The following SPTB variants were observed in gnomAD, a reference collection of about 807,000 sequenced individuals.
SPTB encodes the protein spectrin beta, erythrocytic.
Under a neutral mutation model 256.2 loss-of-function variants are expected in SPTB, and 45 were observed. The observed-to-expected ratio is 0.18, with a 90% confidence interval of 0.14 to 0.23. SPTB has a LOEUF of 0.23. Ranked by LOEUF, SPTB falls within the 10% of genes least tolerant of loss-of-function variation. The probability of loss-of-function intolerance (pLI) is 1.00; values close to 1 mark genes in which losing one functional copy is unlikely to be tolerated. For synonymous variants in SPTB, 1,231 were observed against 1,243.1 expected, an observed-to-expected ratio of 0.99 and a Z score of 0.21; for missense variants, 2,715 against 3,040.4, an observed-to-expected ratio of 0.89 and a Z score of 2.52.
At position 64,823,242 on chromosome 14, in the gene SPTB, T is replaced by A; in HGVS notation, c.-51-97A>T. 1 of 927,264 alleles carries A rather than the reference T, an allele frequency of 1.1e-6. No homozygotes were observed. Among genetic ancestry groups the A allele is most frequent in the African/African-American group, 1.6e-5 (1 of 61,414 alleles). The allele number at this position is 927,264 out of a possible 1,614,324, so 57.4% of individuals were successfully genotyped here. On this transcript the variant is annotated intron_variant, in intron 1 of 35. Transcript: ENST00000644917. The surrounding 1 kb of genome is among the most constrained non-coding windows in gnomAD (Gnocchi z 6.5). ...CGGAGCATCCAACGTGAGTAGATCC[T>A]GACAGAAGCAGAACGCCATGTCATC...
rs570278207 is a variant in SPTB at position 64,805,735 on chromosome 14, T to C, written c.149-645A>G. ...ACAAACATTGATTCTGTTCCTATTA[T>C]GTGGCAGCGCTGTGCTAGGCCTGAG... is the stretch of plus-strand genomic sequence containing the variant. On this transcript the variant is annotated intron_variant, in intron 2 of 35. Transcript: ENST00000644917. Among the ~76,000 whole-genome samples, 6 of 152,326 alleles carry C rather than the reference T, an allele frequency of 3.9e-5. No individual in the cohort carries two copies. The East Asian group carries it at 7.7e-4, about 20-fold the overall frequency.
intron 1 of SPTB, among the ~76,000 whole-genome samples, chr14:64,854,721 G>A (rs914654779): frequency 7.2e-5 from 11 of 151,824 alleles, no homozygotes; most frequent in African/African-American, 2.7e-4. Flanking sequence ...ACATGGGTGA[G>A]GGGAAGGCTC....
At position 64,748,400 on chromosome 14, in the gene SPTB, G is replaced by C. The variant is rs1010488043; in HGVS notation, c.*906C>G. 6.6e-6 allele frequency: 1 copy of C among 152,392 alleles called. No homozygotes were observed. Among genetic ancestry groups the C allele is most frequent in the African/African-American group, 2.4e-5 (1 of 41,446 alleles). The allele number at this position is 152,392 out of a possible 1,614,324, so 9.4% of individuals were successfully genotyped here. ...TGGTTTGGCTGCCACTGGGAGTGGG[G>C]CGAGGGTCCCAGCATTGAGAGGGAG... is the stretch of plus-strand genomic sequence containing the variant. On this transcript the variant is annotated 3_prime_UTR_variant, in exon 36 of 36. Coordinates refer to ENST00000644917, the MANE Select transcript of SPTB (RefSeq NM_001355436.2).
Position 64,765,735 on chromosome 14 carries a change from T to C in SPTB, c.6345+991A>G, listed in dbSNP as rs78519740. Reference sequence around the variant, plus strand: ...AGGGGGAAAGAATCGCCTACAAGGATGGGCACCCCCACTTCACCACTGAAG... The same window carrying C: ...AGGGGGAAAGAATCGCCTACAAGGACGGGCACCCCCACTTCACCACTGAAG... On this transcript the variant is annotated intron_variant, in intron 32 of 35. Transcript: ENST00000644917. Among the ~76,000 whole-genome samples, 556 of 151,876 alleles carry C rather than the reference T, an allele frequency of 3.7e-3. 2 individuals carry two copies. The highest frequency in any genetic ancestry group is 6.3e-3 in the Non-Finnish European group (431 of 67,966).
chr14:64,828,556 G>A (rs2083407123), intron 1 of SPTB, among the ~76,000 whole-genome samples: 1 of 152,270 alleles, frequency 6.6e-6, no homozygotes, highest in East Asian at 1.9e-4. Context: ...ACTTTTAATG[G>A]TAAAAACCAC....
Position 64,747,917 on chromosome 14 carries a change from T to G in SPTB, c.*1389A>C. 6.6e-6 allele frequency: 1 copy of G among 151,388 alleles called. No homozygotes were observed. Among genetic ancestry groups the G allele is most frequent in the East Asian group, 2.0e-4 (1 of 5,116 alleles). 9.4% of individuals were successfully genotyped at this position (151,388 alleles called of 1,614,324 possible). ...GTGGTGGGGAAAATATGGAATGAGC[T>G]TTCTCTTCCTCCAGAAGTATGACCT... On this transcript the variant is annotated 3_prime_UTR_variant, in exon 36 of 36. Transcript: ENST00000644917.
intron 1 of SPTB, among the ~76,000 whole-genome samples, chr14:64,830,373 ATTATTATTT>A (rs1329781552): frequency 4.5e-5 from 3 of 65,982 alleles, no homozygotes; most frequent in African/African-American, 2.4e-4. Context: ...TATTATTATT[ATTATTATTT>A]TATTTTATTT....
chr14:64,833,045 G>C (rs2083471082), intron 1 of SPTB, among the ~76,000 whole-genome samples: 1 of 152,142 alleles, frequency 6.6e-6, no homozygotes. Context: ...AGCCCTTTGT[G>C]ATCTAGTCCC....
intron 32 of SPTB, chr14:64,756,716 G>A (rs1266466760): frequency 1.3e-5 from 2 of 152,232 alleles, no homozygotes; most frequent in Admixed American, 1.3e-4. Flanking sequence ...AAAGCTAATA[G>A]GTATAGGAGG....
intron 7 of SPTB, 33 bp downstream of exon 7, chr14:64,801,252 C>CA: frequency 6.4e-7 from 1 of 1,570,794 alleles, no homozygotes; most frequent in Non-Finnish European, 8.8e-7. Flanking sequence ...CCCACTGCTG[C>CA]AGCAAAGGCT....
chr14:64,820,459 T>A (rs886121623), intron 2 of SPTB, among the ~76,000 whole-genome samples: 1 of 152,224 alleles, frequency 6.6e-6, no homozygotes. Context: ...GGTTGTTTGT[T>A]CTTGAAAATC....
intron 1 of SPTB, among the ~76,000 whole-genome samples, chr14:64,837,757 C>T (rs767031657): frequency 1.5e-4 from 23 of 152,138 alleles, no homozygotes; most frequent in Non-Finnish European, 3.1e-4. Context: ...TCTGTCACCA[C>T]GCCCGGCTAA....
rs229634 is a variant in SPTB at position 64,784,221 on chromosome 14, A to G, written c.4002+26T>C. On this transcript the variant is annotated intron_variant, in intron 19 of 35. Coordinates refer to ENST00000644917, the MANE Select transcript of SPTB (RefSeq NM_001355436.2). ...GCAAGCCTATCTGAGCAGAGCACCC[A>G]CCCGCCGCCCAATCACTTTACTTAC... The G allele has an allele frequency of 0.44, 707,699 of 1,613,054 alleles. 165,508 individuals carry two copies. The highest frequency in any genetic ancestry group is 0.8 in the East Asian group (35,914 of 44,842).
Position 64,845,313 on chromosome 14 carries a change from C to T in SPTB, c.-51-22168G>A, listed in dbSNP as rs942091246. Among the ~76,000 whole-genome samples, 57 of 152,282 alleles carry T rather than the reference C, an allele frequency of 3.7e-4. No homozygotes were observed. The highest frequency in any genetic ancestry group is 3.4e-3 in the Middle Eastern group (1 of 294). On this transcript the variant is annotated intron_variant, in intron 1 of 35. Transcript: ENST00000644917. This position sits in a 1 kb window ranked among gnomAD's most constrained non-coding sequence, Gnocchi z 4.8. Reference sequence around the variant, plus strand: ...AAAAGATTGGTAGTTCTGTGTGTGCCCATTGGTACAAACATTATAAACACA... The same window carrying T: ...AAAAGATTGGTAGTTCTGTGTGTGCTCATTGGTACAAACATTATAAACACA...
rs1042181595 is a variant in SPTB, at chr14:64,774,345, C to A, written c.4973+52G>T. The A allele has an allele frequency of 3.2e-6, 5 of 1,552,608 alleles. No individual in the cohort carries two copies. In the African/African-American group the frequency reaches 5.4e-5, roughly 17 times the overall value. On this transcript the variant is annotated intron_variant, in intron 24 of 35. Transcript: ENST00000644917. ...TCTGAAGGGACGTTGGCTGGTGGGCCCCTGGCTCAATCCCCATCTCCTGAC... is the reference window on the plus strand; with the variant it reads ...TCTGAAGGGACGTTGGCTGGTGGGCACCTGGCTCAATCCCCATCTCCTGAC...
rs768028638 is a variant in SPTB at position 64,760,078 on chromosome 14, G to T, written c.6346-6285C>A. 1.3e-5 allele frequency among the ~76,000 whole-genome samples: 2 copies of T among 152,160 alleles called. No individual in the cohort carries two copies. The highest frequency in any genetic ancestry group is 2.9e-5 in the Non-Finnish European group (2 of 68,038). On this transcript the variant is annotated intron_variant, in intron 32 of 35. Coordinates refer to ENST00000644917, the MANE Select transcript of SPTB (RefSeq NM_001355436.2). This position sits in a 1 kb window ranked among gnomAD's most constrained non-coding sequence, Gnocchi z 4.3. ...TGGAGAAGAGGGCACAGCCCTTTTG[G>T]GGTCTCACAGGATTGTAGTCAAACC... is the stretch of plus-strand genomic sequence containing the variant.
chr14:64,804,194 TCTC>T (rs960986563), intron 3 of SPTB, among the ~76,000 whole-genome samples: 2 of 152,204 alleles, frequency 1.3e-5, no homozygotes, highest in African/African-American at 4.8e-5. Context: ...CAATCAACCT[TCTC>T]CTCTCCCCCA....
chr14:64,840,651 C>T (rs1474369494), intron 1 of SPTB, among the ~76,000 whole-genome samples: 1 of 152,204 alleles, frequency 6.6e-6, no homozygotes, highest in Non-Finnish European at 1.5e-5. Context: ...ATTCACACAC[C>T]TCACCTGGCT....
rs1248020413 is a variant in SPTB at position 64,827,656 on chromosome 14, A to G, written c.-51-4511T>C. Among the ~76,000 whole-genome samples, 1 of 152,204 alleles carries G rather than the reference A, an allele frequency of 6.6e-6. No homozygotes were observed. Among genetic ancestry groups the G allele is most frequent in the African/African-American group, 2.4e-5 (1 of 41,454 alleles). On this transcript the variant is annotated intron_variant, in intron 1 of 35. Coordinates refer to ENST00000644917, the MANE Select transcript of SPTB (RefSeq NM_001355436.2). This position sits in a 1 kb window ranked among gnomAD's most constrained non-coding sequence, Gnocchi z 4.6. ...GGTACCTTAAAGAATAGTCAAATACACAAAAACACATGTGCACACACTCAC... is the reference window on the plus strand; with the variant it reads ...GGTACCTTAAAGAATAGTCAAATACGCAAAAACACATGTGCACACACTCAC...
Sources: gnomAD v4.1 joint callset for allele counts (sites outside exome capture counted in the v4.1 genomes callset) on GRCh38, gnomAD v4.1.1 for gene constraint, Gnocchi (gnomAD v3.1) non-coding constraint, MANE v1.5 for transcripts, NCBI Gene and HGNC (gene_info 2026-07-23, HGNC 2026-07-21) for gene names.